Variants in ECEL1 observed in about 807,000 individuals in gnomAD.
ECEL1 encodes the protein endothelin-converting enzyme-like 1.
Under a neutral mutation model 101.8 loss-of-function variants are expected in ECEL1, and 87 were observed. The observed-to-expected ratio is 0.85, with a 90% CI of 0.72 to 1.02. The LOEUF (loss-of-function observed/expected upper bound fraction) is 1.02, where lower values mean the gene tolerates loss of function less well. Among genes scored for constraint, ECEL1 ranks in the 50% least tolerant of loss-of-function variants. The probability of loss-of-function intolerance (pLI) is 0.00; values close to 1 mark genes in which losing one functional copy is unlikely to be tolerated. For synonymous variants in ECEL1, 487 were observed against 468.7 expected, an observed-to-expected ratio of 1.04 and a Z score of -0.50; for missense variants, 1,032 against 1,079.2, an observed-to-expected ratio of 0.96 and a Z score of 0.61.
At position 232,486,473 on chromosome 2, in the gene ECEL1, A is replaced by T. The variant is rs1176010720; in HGVS notation, c.181T>A (p.Cys61Ser). The T allele has an allele frequency of 1.4e-6, 2 of 1,437,406 alleles. No individual in the cohort carries two copies. The highest frequency in any genetic ancestry group is 3.0e-5 in the Admixed American group (1 of 33,686). The allele number at this position is 1,437,406 out of a possible 1,614,324, so 89.0% of individuals were successfully genotyped here. A position where few individuals can be genotyped will look rare whatever the true frequency, so the allele number is the denominator to read the frequency against. ...GLPRWNRREV[C>S]LLSGLVFAAG... ...GCGAACACCAGCCCCGACAGCAGGC[A>T]CACCTCGCGCCGGTTCCAGCGCGGC... Residue 61 changes from cysteine to serine, a missense_variant, in exon 2 of 18, where the codon TGC becomes AGC. Transcript: ENST00000304546.
intron 10 of ECEL1, 84 bp downstream of exon 10, chr2:232,482,767 T>C: frequency 1.9e-6 from 3 of 1,557,336 alleles, no homozygotes; most frequent in Non-Finnish European, 2.6e-6. Context: ...CATATCTGCA[T>C]GGCTGTGAGA....
intron 2 of ECEL1, among the ~76,000 whole-genome samples, chr2:232,485,545 A>G (rs1690697895): frequency 6.6e-6 from 1 of 152,134 alleles, no homozygotes; most frequent in South Asian, 2.1e-4. Flanking sequence ...TGGGACCCCT[A>G]GCTTTGGGGC....
rs770509094 is a variant in ECEL1 at position 232,485,930 on chromosome 2, C to T, written c.724G>A (p.Ala242Thr). ...LYKAQGVYSA[A>T]ALFSLTVSLD... ...CTGACCGTGAGCGAGAAGAGCGCGG[C>T]GGCGCTGTACACGCCCTGCGCCTTG... The change falls in exon 2 of 18, where the codon GCC becomes ACC. Residue 242 changes from alanine (A) to threonine (T), a missense_variant. Ala to Thr is a moderately conservative substitution (Grantham distance 58). Transcript: ENST00000304546. 6.3e-7 allele frequency: 1 copy of T among 1,576,792 alleles called. No individual in the cohort carries two copies. The highest frequency in any genetic ancestry group is 8.6e-7 in the Non-Finnish European group (1 of 1,163,702).
chr2:232,485,300 G>A (rs769194460), intron 2 of ECEL1, 33 bp from the exon 3 acceptor site: 1 of 1,608,826 alleles, frequency 6.2e-7, no homozygotes, highest in African/African-American at 1.3e-5. Context: ...CAGGTCAGAG[G>A]CCCACACCTC....
chr2:232,485,386 G>A (rs1690694375), intron 2 of ECEL1, 119 bp from the exon 3 acceptor site: 1 of 1,145,646 alleles, frequency 8.7e-7, no homozygotes. Context: ...AGCCACAGAA[G>A]CACGCAGACC....
At chr2:232,484,765 A>C in intron 5 of ECEL1, 36 bp downstream of exon 5, 2 of 1,612,996 alleles carry the variant, frequency 1.2e-6, no homozygotes, top group Non-Finnish European at 1.7e-6. Flanking sequence ...CATTGCCCTC[A>C]ACCCTGCCTG....
rs1423251113 is a variant in ECEL1, at chr2:232,480,728, G to A, written c.2141C>T (p.Ala714Val). ...KYTHDQLFFI[A>V]FAQNWCIKRR... ...CCCCACCCAGCCCACCTGGGCAAAG[G>A]CAATGAAGAAGAGCTGGTCATGTGT... The change falls in exon 16 of 18, where the codon GCC (alanine) becomes GTC (valine). Residue 714 changes from alanine to valine, a missense_variant. Ala to Val is a moderately conservative substitution (Grantham distance 64, BLOSUM62 0). Transcript: ENST00000304546. 1 of 1,614,128 alleles carries A rather than the reference G, an allele frequency of 6.2e-7. No individual in the cohort carries two copies. The highest frequency in any genetic ancestry group is 1.1e-5 in the South Asian group (1 of 91,084).
chr2:232,486,658 C>T lies in ECEL1; in HGVS notation c.-5G>A. On this transcript the variant is annotated 5_prime_UTR_variant, in exon 2 of 18. Coordinates refer to ENST00000304546, the MANE Select transcript of ECEL1 (RefSeq NM_004826.4). The stretch of plus-strand genomic sequence containing the variant: ...CAGCGAATACGGGGGCTCCATGGCG[C>T]CGAGGCCGCCGCGGTGCAGACCTGG... 1 of 1,522,332 alleles carries T rather than the reference C, an allele frequency of 6.6e-7. No homozygotes were observed. The highest frequency in any genetic ancestry group is 2.0e-5 in the Admixed American group (1 of 50,576). 94.3% of individuals were successfully genotyped at this position (1,522,332 alleles called of 1,614,324 possible). A position where few individuals can be genotyped will look rare whatever the true frequency, so the allele number is the denominator to read the frequency against.
chr2:232,481,926 G>A, intron 12 of ECEL1, 77 bp from the exon 13 acceptor site: 2 of 1,593,374 alleles, frequency 1.3e-6, no homozygotes, highest in Non-Finnish European at 8.6e-7. Context: ...GGCCCCAGAT[G>A]TCCCCTGGCC....
Position 232,486,426 on chromosome 2 carries a change from C to T in ECEL1, c.228G>A (p.Leu76=), listed in dbSNP as rs1690730676. 2.7e-6 allele frequency: 4 copies of T among 1,458,434 alleles called. No homozygotes were observed. The highest frequency in any genetic ancestry group is 3.6e-6 in the Non-Finnish European group (4 of 1,118,492). The allele number at this position is 1,458,434 out of a possible 1,614,324, so 90.3% of individuals were successfully genotyped here. A position where few individuals can be genotyped will look rare whatever the true frequency, so the allele number is the denominator to read the frequency against. ...GGTACTTGAGGGCCAGCATAGCCGC[C>T]AGAATGGCGCAGAGGCCGGCGGCGA... ...LVFAAGLCAI[L]AAMLALKYLG... The change falls in exon 2 of 18, where the codon CTG becomes CTA. Residue 76 remains leucine (L), a synonymous_variant. Coordinates refer to ENST00000304546, the MANE Select transcript of ECEL1 (RefSeq NM_004826.4).
chr2:232,482,340 G>C (rs539994434), intron 12 of ECEL1, 78 bp downstream of exon 12: 1 of 1,597,834 alleles, frequency 6.3e-7, no homozygotes, highest in East Asian at 2.2e-5. Context: ...GCCACAGTAC[G>C]CCGACACACA....
At chr2:232,485,158 G>C in intron 3 of ECEL1, 41 bp downstream of exon 3, 1 of 1,612,576 alleles carries the variant, frequency 6.2e-7, no homozygotes, top group Non-Finnish European at 8.5e-7. Flanking sequence ...CCCTCCTGGG[G>C]CCCCAGGCCT....
chr2:232,483,239 C>T (rs542185300), intron 8 of ECEL1, 60 bp from the exon 9 acceptor site: 27 of 1,562,174 alleles, frequency 1.7e-5, no homozygotes, highest in South Asian at 2.3e-5. Context: ...CCCCGCCCCC[C>T]ACCCTACCCA....
At chr2:232,481,462 C>A in intron 14 of ECEL1, 44 bp downstream of exon 14, 1 of 1,574,854 alleles carries the variant, frequency 6.3e-7, no homozygotes, top group Non-Finnish European at 8.6e-7. Flanking sequence ...CCGGCCCGTG[C>A]CCCACCAGGC....
chr2:232,482,565 T>G lies in ECEL1; in HGVS notation c.1729A>C (p.Asn577His), dbSNP rs1553566962. Residue 577 changes from asparagine to histidine, a missense_variant, in exon 11 of 18, where the codon AAC (asparagine) becomes CAC (histidine). By Grantham distance (68) the Asn-to-His change is moderately conservative (BLOSUM62 1). Coordinates refer to ENST00000304546, the MANE Select transcript of ECEL1 (RefSeq NM_004826.4). Reference sequence around the variant, plus strand: ...ATCCCCTTACCCATCTGGTTCTTGTTGGGTAGATAGTAGGCATTGAGCGCC... The same window carrying G: ...ATCCCCTTACCCATCTGGTTCTTGTGGGGTAGATAGTAGGCATTGAGCGCC... ...PQALNAYYLP[N>H]KNQMVFPAGI... 1 of 1,613,746 alleles carries G rather than the reference T, an allele frequency of 6.2e-7. No homozygotes were observed. Among genetic ancestry groups the G allele is most frequent in the South Asian group, 1.1e-5 (1 of 91,072 alleles).
intron 8 of ECEL1, 64 bp from the exon 9 acceptor site, chr2:232,483,243 CT>C: frequency 6.4e-7 from 1 of 1,556,446 alleles, no homozygotes; most frequent in East Asian, 2.4e-5. Flanking sequence ...GCCCCCCACC[CT>C]ACCCACCAAG....
At chr2:232,483,315 A>G in intron 8 of ECEL1, 101 bp downstream of exon 8, 1 of 1,531,606 alleles carries the variant, frequency 6.5e-7, no homozygotes, top group Non-Finnish European at 8.9e-7. Flanking sequence ...GGCCTGGTCA[A>G]CTCCACGAAG....
rs192923053 is a variant in ECEL1, at chr2:232,487,591, C to A, written c.-102+128G>T. The A allele has an allele frequency of 4.6e-3, 708 of 153,418 alleles. 23 individuals are homozygous for A. Among genetic ancestry groups the A allele is most frequent in the Admixed American group, 0.043 (653 of 15,250 alleles). The allele number at this position is 153,418 out of a possible 1,614,324, so 9.5% of individuals were successfully genotyped here. A position where few individuals can be genotyped will look rare whatever the true frequency, so the allele number is the denominator to read the frequency against. On this transcript the variant is annotated intron_variant, in intron 1 of 17. Coordinates refer to ENST00000304546, the MANE Select transcript of ECEL1 (RefSeq NM_004826.4). ...GAGAGCCGAGCCCGGGAGCCGCAGC[C>A]GCAGCCGCAGCCGGAGCCGCAGCCG... is the stretch of plus-strand genomic sequence containing the variant.
In ECEL1 at chr2:232,481,200, T is replaced by G. The variant is rs1320833459; in HGVS notation, c.1990-44A>C. The G allele has an allele frequency of 2.6e-6, 4 of 1,546,962 alleles. No homozygotes were observed. In the Admixed American group the frequency reaches 7.8e-5, roughly 30 times the overall value. On this transcript the variant is annotated intron_variant, in intron 14 of 17. Transcript: ENST00000304546. ...GCCAGGGGGCTGCTTGGGGCCCAGCTGGCCTCCCTCAGGCATTGATACCCT... is the reference window on the plus strand; with the variant it reads ...GCCAGGGGGCTGCTTGGGGCCCAGCGGGCCTCCCTCAGGCATTGATACCCT...
Sources: gnomAD v4.1 joint callset for allele counts (sites outside exome capture counted in the v4.1 genomes callset) on GRCh38, gnomAD v4.1.1 for gene constraint, MANE v1.5 for transcripts, NCBI Gene and HGNC (gene_info 2026-07-23, HGNC 2026-07-21) for gene names.